The following MTR variants were observed in gnomAD, a reference collection of about 807,000 sequenced individuals.
The protein encoded by MTR is 5-methyltetrahydrofolate-homocysteine methyltransferase.
Under a neutral mutation model 154.8 loss-of-function variants are expected in MTR, and 84 were observed. That is an observed-to-expected ratio of 0.54 (90% confidence interval 0.45 to 0.65). The LOEUF (loss-of-function observed/expected upper bound fraction) is 0.65, where lower values mean the gene tolerates loss of function less well. Among genes scored for constraint, MTR ranks in the 30% least tolerant of loss-of-function variants. The pLI is 0.00. For missense variants in MTR, 1,275 were observed against 1,570.2 expected (o/e 0.81, Z 3.18); for synonymous variants, 554 against 553.9 (o/e 1.00, Z 0.00).
intron 22 of MTR, among the ~76,000 whole-genome samples, chr1:236,867,116 G>A (rs1320308524): frequency 6.6e-6 from 1 of 152,148 alleles, no homozygotes; most frequent in Non-Finnish European, 1.5e-5. Flanking sequence ...TTGGAAGTAG[G>A]TGCCATGCAG....
In MTR at chr1:236,812,757, A is replaced by T; in HGVS notation, c.522A>T (p.Glu174Asp). 6.2e-7 allele frequency: 1 copy of T among 1,614,076 alleles called. No homozygotes were observed. The highest frequency in any genetic ancestry group is 8.5e-7 in the Non-Finnish European group (1 of 1,179,966). ...YRNITFDELV[E>D]AYQEQAKGLL... is the part of the protein sequence containing the mutation. ...TTGCAGCATTTGATGAGCTTGTTGAAGCATACCAAGAGCAGGCCAAAGGAC... is the reference window on the plus strand; with the variant it reads ...TTGCAGCATTTGATGAGCTTGTTGATGCATACCAAGAGCAGGCCAAAGGAC... Residue 174 changes from glutamate to aspartate, a missense_variant, in exon 6 of 33, where the codon GAA becomes GAT. By Grantham distance (45) the Glu-to-Asp change is conservative. Coordinates refer to ENST00000366577, the MANE Select transcript of MTR (RefSeq NM_000254.3).
At chr1:236,883,424 G>A (rs1665860761) in intron 25 of MTR, among the ~76,000 whole-genome samples, 1 of 152,190 alleles carries the variant, frequency 6.6e-6, no homozygotes, top group Non-Finnish European at 1.5e-5. Context: ...GCAGCGGTAT[G>A]TTCTGTCTAC....
intron 16 of MTR, among the ~76,000 whole-genome samples, chr1:236,850,963 A>G (rs4659732): frequency 6.6e-6 from 1 of 152,160 alleles, no homozygotes; most frequent in Non-Finnish European, 1.5e-5. Flanking sequence ...TTTTCCAGTT[A>G]CACCTCATTC....
intron 1 of MTR, chr1:236,800,526 T>C: frequency 4.2e-6 from 4 of 947,594 alleles, no homozygotes; most frequent in Non-Finnish European, 2.5e-6. Context: ...TGAAATTATC[T>C]ACATTTAACA....
Position 236,824,215 on chromosome 1 carries a change from T to C in MTR, c.861T>C (p.Asn287=). 2 of 1,612,088 alleles carry C rather than the reference T, an allele frequency of 1.2e-6. No individual in the cohort carries two copies. Among genetic ancestry groups the C allele is most frequent in the Non-Finnish European group, 1.7e-6 (2 of 1,178,156 alleles). ...CAGCCTATGTCCTCTGTTATCCCAATGCAGGTGTGTGTTTCAAGGGGGTCA... is the reference window on the plus strand; with the variant it reads ...CAGCCTATGTCCTCTGTTATCCCAACGCAGGTGTGTGTTTCAAGGGGGTCA... ...CTTAYVLCYP[N]AGLPNTFGDY... The change falls in exon 9 of 33, where the codon AAT becomes AAC. Residue 287 remains asparagine, a synonymous_variant. Coordinates refer to ENST00000366577, the MANE Select transcript of MTR (RefSeq NM_000254.3).
intron 8 of MTR, among the ~76,000 whole-genome samples, chr1:236,821,362 T>C (rs1023936608): frequency 6.6e-6 from 1 of 152,238 alleles, no homozygotes; most frequent in African/African-American, 2.4e-5. Context: ...ATCTTAATGA[T>C]CTGATCATCT....
intron 18 of MTR, among the ~76,000 whole-genome samples, chr1:236,857,719 A>T (rs1664285573): frequency 6.6e-6 from 1 of 152,240 alleles, no homozygotes; most frequent in Non-Finnish European, 1.5e-5. Context: ...GCAGAAATGT[A>T]TAGAGGTGAT....
At chr1:236,804,893 A>G (rs1017814850) in intron 2 of MTR, among the ~76,000 whole-genome samples, 3 of 151,862 alleles carry the variant, frequency 2.0e-5, no homozygotes, top group Non-Finnish European at 4.4e-5. Context: ...TAATGGTGTC[A>G]TGCTTTACGT....
chr1:236,813,809 T>A (rs1661442604), intron 6 of MTR, among the ~76,000 whole-genome samples: 1 of 152,158 alleles, frequency 6.6e-6, no homozygotes, highest in Non-Finnish European at 1.5e-5. Flanking sequence ...CATTTGACTT[T>A]CTTTATGGTG....
At position 236,854,614 on chromosome 1, in the gene MTR, T is replaced by G. The variant is rs1350995149; in HGVS notation, c.1953+1526T>G. 3.9e-5 allele frequency among the ~76,000 whole-genome samples: 6 copies of G among 152,322 alleles called. No homozygotes were observed. The East Asian group carries it at 1.2e-3, about 29-fold the overall frequency. On this transcript the variant is annotated intron_variant, in intron 18 of 32. Coordinates refer to ENST00000366577, the MANE Select transcript of MTR (RefSeq NM_000254.3). ...AGGGGCATCATAGCCTCTATTGCCA[T>G]GAAGTCATACTAGACAGTTCTTAAT...
At chr1:236,897,450 A>T in intron 32 of MTR, 108 bp from the exon 33 acceptor site, 3 of 1,094,806 alleles carry the variant, frequency 2.7e-6, no homozygotes, top group Non-Finnish European at 4.2e-6. Context: ...GATTGCTATT[A>T]AGACAAGAAA....
At chr1:236,881,421 A>T (rs1038881880) in intron 25 of MTR, among the ~76,000 whole-genome samples, 16 of 152,112 alleles carry the variant, frequency 1.1e-4, no homozygotes, top group African/African-American at 3.9e-4. Flanking sequence ...GGTGCACCCG[A>T]GAGGCAGTGT....
intron 21 of MTR, among the ~76,000 whole-genome samples, chr1:236,862,798 G>A (rs1664620952): frequency 6.6e-6 from 1 of 152,178 alleles, no homozygotes; most frequent in Non-Finnish European, 1.5e-5. Context: ...TTTAATTCTT[G>A]TTGGCTGCAC....
chr1:236,878,211 A>G (rs1251651893), intron 24 of MTR, among the ~76,000 whole-genome samples: 3 of 152,176 alleles, frequency 2.0e-5, no homozygotes, highest in African/African-American at 4.8e-5. Flanking sequence ...CTCTTCATAT[A>G]TGGTTAATGC....
rs570911781 is a variant in MTR, at chr1:236,870,568, G to A, written c.2406-3205G>A. Reference sequence around the variant, plus strand: ...GATAGGGCTGGTGCTGCTGGTACAGGAGCACACCTGGAGTAACAAGGCCTG... The same window carrying A: ...GATAGGGCTGGTGCTGCTGGTACAGAAGCACACCTGGAGTAACAAGGCCTG... On this transcript the variant is annotated intron_variant, in intron 22 of 32. Coordinates refer to ENST00000366577, the MANE Select transcript of MTR (RefSeq NM_000254.3). Among the ~76,000 whole-genome samples the A allele has an allele frequency of 2.0e-5, 3 of 152,244 alleles. No individual in the cohort carries two copies. In the East Asian group the frequency reaches 5.8e-4, roughly 29 times the overall value.
chr1:236,810,500 A>G lies in MTR; in HGVS notation c.410-3A>G. 1.2e-6 allele frequency: 2 copies of G among 1,613,206 alleles called. No homozygotes were observed. Reference sequence around the variant, plus strand: ...TCTCACACTTGTTTTTCTTTTCCCAAAGGAATTAAGAGGTTTGTGGCAGGG... The same window carrying G: ...TCTCACACTTGTTTTTCTTTTCCCAGAGGAATTAAGAGGTTTGTGGCAGGG... On this transcript the variant is annotated splice_region_variant and splice_polypyrimidine_tract_variant and intron_variant, in intron 4 of 32. Transcript: ENST00000366577.
intron 18 of MTR, among the ~76,000 whole-genome samples, chr1:236,857,356 A>G (rs1426266752): frequency 1.3e-5 from 2 of 152,218 alleles, no homozygotes; most frequent in African/African-American, 2.4e-5. Flanking sequence ...CCAGGCCTCC[A>G]TCAAGGACTA....
chr1:236,897,310 GCACACACA>G (rs57786802), intron 32 of MTR, among the ~76,000 whole-genome samples, 192 bp downstream of exon 32: 2,365 of 128,684 alleles, frequency 0.018, 84 homozygotes, highest in African/African-American at 0.062. Flanking sequence ...CCACACACAC[GCACACACA>G]CACACACACA....
intron 22 of MTR, among the ~76,000 whole-genome samples, chr1:236,865,378 C>T (rs1258922858): frequency 6.6e-6 from 1 of 152,194 alleles, no homozygotes; most frequent in Non-Finnish European, 1.5e-5. Flanking sequence ...TTTATGGTGT[C>T]AGCTAGTAGA....
Sources: allele counts gnomAD v4.1 joint callset (sites outside exome capture counted in the v4.1 genomes callset), GRCh38; gene constraint gnomAD v4.1.1; transcripts MANE v1.5; gene names NCBI Gene and HGNC (gene_info 2026-07-23, HGNC 2026-07-21).